ESR1: variants seen among roughly 807,000 people sequenced by gnomAD.
The protein encoded by ESR1 is estrogen receptor 1, also known as estrogen receptor.
ESR1 carries 12 observed loss-of-function variants against 52.7 expected under a neutral mutation model. That is an observed-to-expected ratio of 0.23 (90% CI 0.15 to 0.37). ESR1 has a LOEUF of 0.37. Ranked by LOEUF, ESR1 falls within the 10% of genes least tolerant of loss-of-function variation. The pLI, the probability that ESR1 is intolerant of heterozygous loss-of-function variation, is 1.00. For missense variants in ESR1, 584 were observed against 779.7 expected (o/e 0.75, Z 2.99); for synonymous variants, 305 against 316.8 (o/e 0.96, Z 0.39).
chr6:151,771,454 T>A (rs1431964289), intron 2 of ESR1, among the ~76,000 whole-genome samples: 2 of 152,236 alleles, frequency 1.3e-5, no homozygotes, highest in Non-Finnish European at 2.9e-5. Context: ...GAAATACGGC[T>A]GGAATTTCTT....
chr6:151,669,391 G>A (rs997605271), intron 1 of ESR1, among the ~76,000 whole-genome samples: 4 of 152,010 alleles, frequency 2.6e-5, no homozygotes, highest in African/African-American at 9.7e-5. Flanking sequence ...TGAGGAAGGT[G>A]GAGGAGTAAA....
chr6:152,071,541 G>A (rs1432014229), intron 6 of ESR1, among the ~76,000 whole-genome samples: 1 of 152,152 alleles, frequency 6.6e-6, no homozygotes, highest in Non-Finnish European at 1.5e-5. Flanking sequence ...ACCTCATAGG[G>A]CTATTTTTAA....
At chr6:151,919,034 A>G (rs960423483) in intron 3 of ESR1, among the ~76,000 whole-genome samples, 4 of 152,190 alleles carry the variant, frequency 2.6e-5, no homozygotes, top group African/African-American at 9.6e-5. Context: ...AGTAGCCAAG[A>G]TATTTTAAAT....
At chr6:151,683,798 A>G (rs1380641049) in intron 1 of ESR1, among the ~76,000 whole-genome samples, 1 of 151,786 alleles carries the variant, frequency 6.6e-6, no homozygotes, top group Non-Finnish European at 1.5e-5. Context: ...TCCCAGGTTC[A>G]AGCAATTCTC....
At chr6:151,660,402 T>C (rs1777598844) in intron 1 of ESR1, among the ~76,000 whole-genome samples, 1 of 152,232 alleles carries the variant, frequency 6.6e-6, no homozygotes, top group South Asian at 2.1e-4. Flanking sequence ...CTGCCACTTG[T>C]TAGAAAGTGA....
At chr6:152,075,958 G>A (rs867687325) in intron 6 of ESR1, among the ~76,000 whole-genome samples, 11 of 152,150 alleles carry the variant, frequency 7.2e-5, no homozygotes, top group African/African-American at 2.2e-4. Flanking sequence ...TGTATATTAT[G>A]TATTCCACAG....
intron 1 of ESR1, among the ~76,000 whole-genome samples, chr6:151,692,677 C>T (rs918214441): frequency 5.9e-5 from 9 of 152,170 alleles, no homozygotes; most frequent in Non-Finnish European, 1.0e-4. Flanking sequence ...TTTTGAAAGG[C>T]GTGCACTGTA....
intron 2 of ESR1, among the ~76,000 whole-genome samples, chr6:151,703,360 AC>A (rs1287590663): frequency 2.0e-5 from 3 of 151,838 alleles, no homozygotes; most frequent in Non-Finnish European, 4.4e-5. Flanking sequence ...TGCATGTGGA[AC>A]CCCCAGAGCC....
At chr6:152,055,340 G>A (rs6932864) in intron 5 of ESR1, among the ~76,000 whole-genome samples, 33,270 of 151,932 alleles carry the variant, frequency 0.22, 5,293 homozygotes, top group African/African-American at 0.44. Flanking sequence ...TGTCCTCGCC[G>A]ACAAGCCTGA....
In ESR1 at chr6:151,944,254, G is replaced by T. The variant is rs1205181301; in HGVS notation, c.842G>T (p.Gly281Val). The T allele has an allele frequency of 6.2e-7, 1 of 1,614,122 alleles. No individual in the cohort carries two copies. The highest frequency in any genetic ancestry group is 8.5e-7 in the Non-Finnish European group (1 of 1,180,020). ...GATGGGGAGGGCAGGGGTGAAGTGG[G>T]GTCTGCTGGAGACATGAGAGCTGCC... ...RDDGEGRGEVGSAGDMRAANL... is the reference protein window; with the variant it reads ...RDDGEGRGEVVSAGDMRAANL... Residue 281 changes from glycine (G) to valine (V), a missense_variant, in exon 4 of 8, where the codon GGG (glycine) becomes GTG (valine). This residue lies in a region of ESR1 where 88 missense variants were observed against 88.3 expected (regional missense o/e 1.00). Transcript: ENST00000206249.
intron 1 of ESR1, among the ~76,000 whole-genome samples, chr6:151,664,253 T>C (rs1777741143): frequency 6.6e-6 from 1 of 152,210 alleles, no homozygotes; most frequent in South Asian, 2.1e-4. Flanking sequence ...TCTACTTTTA[T>C]AGGTTACTAG....
chr6:151,978,078 T>C lies in ESR1; in HGVS notation c.1096+33570T>C, dbSNP rs555478996. Among the ~76,000 whole-genome samples, 4 of 151,946 alleles carry C rather than the reference T, an allele frequency of 2.6e-5. No individual in the cohort carries two copies. The East Asian group carries it at 7.7e-4, about 29-fold the overall frequency. On this transcript the variant is annotated intron_variant, in intron 4 of 7. Coordinates refer to ENST00000206249, the MANE Select transcript of ESR1 (RefSeq NM_000125.4). ...CAGAGGCTTCAGAGTTTGATTTAAA[T>C]ACATTATACAAAAGTTCTGTGTGAA...
At chr6:151,928,849 CTAAA>C (rs2033164102) in intron 3 of ESR1, among the ~76,000 whole-genome samples, 1 of 152,040 alleles carries the variant, frequency 6.6e-6, no homozygotes, top group Admixed American at 6.6e-5. Context: ...TGTTCAATCT[CTAAA>C]TATTTCGATA....
intron 4 of ESR1, among the ~76,000 whole-genome samples, chr6:151,949,352 A>ATCCCC (rs2036071976): frequency 6.6e-6 from 1 of 152,214 alleles, no homozygotes; most frequent in Non-Finnish European, 1.5e-5. Context: ...GAACACACTC[A>ATCCCC]ATTCTGGGAG....
intron 3 of ESR1, among the ~76,000 whole-genome samples, chr6:151,900,120 C>T (rs182200014): frequency 2.6e-5 from 4 of 152,328 alleles, no homozygotes; most frequent in East Asian, 3.9e-4. Flanking sequence ...GCACTGAGTG[C>T]GGTTTTGTTC....
At chr6:151,983,648 A>G (rs2040194818) in intron 4 of ESR1, 1 of 152,136 alleles carries the variant, frequency 6.6e-6, no homozygotes, top group African/African-American at 2.4e-5. Context: ...ATGATTGGCC[A>G]AGACAACATG....
intron 4 of ESR1, among the ~76,000 whole-genome samples, chr6:151,990,246 G>A (rs1016699999): frequency 1.1e-4 from 17 of 151,320 alleles, no homozygotes; most frequent in African/African-American, 4.1e-4. Context: ...TGGAATGAGT[G>A]TGTGTGTGTG....
downstream of ESR1, among the ~76,000 whole-genome samples, chr6:152,106,905 C>T (rs2051073082): frequency 6.6e-6 from 1 of 152,172 alleles, no homozygotes; most frequent in Admixed American, 6.5e-5. Flanking sequence ...CATGCCCTGC[C>T]CAGCACTTTG....
At chr6:151,997,246 A>G (rs1283656279) in intron 4 of ESR1, among the ~76,000 whole-genome samples, 1 of 152,122 alleles carries the variant, frequency 6.6e-6, no homozygotes, top group African/African-American at 2.4e-5. Flanking sequence ...TTCTAAAAAT[A>G]TAATTATTTA....
Sources: allele counts gnomAD v4.1 joint callset (sites outside exome capture counted in the v4.1 genomes callset), GRCh38; gene constraint gnomAD v4.1.1; regional missense constraint gnomAD v4.1.1; transcripts MANE v1.5; gene names NCBI Gene and HGNC (gene_info 2026-07-23, HGNC 2026-07-21).